STXBP5L: variants seen among roughly 807,000 people sequenced by gnomAD.
The protein encoded by STXBP5L is syntaxin binding protein 5L.
STXBP5L carries 65 observed loss-of-function variants against 144.5 expected under a neutral mutation model. The observed-to-expected ratio is 0.45, with a 90% CI of 0.37 to 0.55. STXBP5L has a LOEUF of 0.55. Ranked by LOEUF, STXBP5L falls within the 20% of genes least tolerant of loss-of-function variation. The probability of loss-of-function intolerance (pLI) is 0.00; values close to 1 mark genes in which losing one functional copy is unlikely to be tolerated. For synonymous variants in STXBP5L, 505 were observed against 469.6 expected (o/e 1.08, Z -0.97); for missense variants, 1,298 against 1,405.5 (o/e 0.92, Z 1.22).
intron 7 of STXBP5L, among the ~76,000 whole-genome samples, chr3:121,146,347 G>A (rs553882349): frequency 5.3e-4 from 80 of 151,810 alleles, no homozygotes; most frequent in Non-Finnish European, 9.1e-4. Context: ...TATTCTGGTG[G>A]GTAAAATATA....
chr3:121,011,459 G>A (rs1944768419), intron 3 of STXBP5L, among the ~76,000 whole-genome samples: 1 of 151,450 alleles, frequency 6.6e-6, no homozygotes, highest in African/African-American at 2.4e-5. Context: ...TTAGCCTAGT[G>A]GACACTCAAA....
Position 121,124,317 on chromosome 3 carries a change from T to C in STXBP5L, c.669+2613T>C, listed in dbSNP as rs192104227. On this transcript the variant is annotated intron_variant, in intron 7 of 26. Transcript: ENST00000471454. ...CTGACTCATTATTCTAGTATATGAA[T>C]TTTGGAATCAGCTTATCAAGCTCAA... is the stretch of plus-strand genomic sequence containing the variant. 2.8e-3 allele frequency among the ~76,000 whole-genome samples: 425 copies of C among 152,094 alleles called. 2 individuals are homozygous for C. The highest frequency in any genetic ancestry group is 0.024 in the Middle Eastern group (7 of 294).
chr3:121,106,471 A>G (rs1240573304), intron 5 of STXBP5L, among the ~76,000 whole-genome samples: 1 of 152,068 alleles, frequency 6.6e-6, no homozygotes, highest in Admixed American at 6.6e-5. Flanking sequence ...TTCAGCTCCT[A>G]CTTAATAAGT....
intron 2 of STXBP5L, among the ~76,000 whole-genome samples, chr3:120,926,941 T>C (rs902067652): frequency 6.7e-6 from 1 of 149,280 alleles, no homozygotes; most frequent in African/African-American, 2.4e-5. Flanking sequence ...TCCTTTCTTT[T>C]TTTTTTTTTT....
At chr3:121,191,878 T>C (rs2047700887) in intron 9 of STXBP5L, among the ~76,000 whole-genome samples, 1 of 144,178 alleles carries the variant, frequency 6.9e-6, no homozygotes, top group African/African-American at 2.6e-5. Flanking sequence ...TTCTCACTCA[T>C]AGGTGGGAAT....
At chr3:121,091,178 T>C (rs1160568012) in intron 5 of STXBP5L, among the ~76,000 whole-genome samples, 2 of 147,640 alleles carry the variant, frequency 1.4e-5, no homozygotes, top group Non-Finnish European at 3.0e-5. Flanking sequence ...CAGTCTATCA[T>C]TGATGGACAT....
At chr3:120,973,696 C>G (rs1940559417) in intron 3 of STXBP5L, among the ~76,000 whole-genome samples, 1 of 151,554 alleles carries the variant, frequency 6.6e-6, no homozygotes, top group Non-Finnish European at 1.5e-5. Flanking sequence ...CTCCCCCATC[C>G]CCCCACCCCA....
intron 5 of STXBP5L, among the ~76,000 whole-genome samples, chr3:121,087,518 C>A (rs183936907): frequency 6.6e-6 from 1 of 151,830 alleles, no homozygotes; most frequent in South Asian, 2.1e-4. Context: ...CATGTTTGCA[C>A]GATATATCTT....
intron 18 of STXBP5L, among the ~76,000 whole-genome samples, chr3:121,261,781 T>G (rs905331914): frequency 5.3e-5 from 8 of 152,194 alleles, no homozygotes; most frequent in African/African-American, 1.9e-4. Context: ...TCTGATACAT[T>G]TTAGCAAATA....
At chr3:121,276,040 A>C (rs2050871195) in intron 18 of STXBP5L, among the ~76,000 whole-genome samples, 1 of 149,810 alleles carries the variant, frequency 6.7e-6, no homozygotes, top group African/African-American at 2.5e-5. Flanking sequence ...AACATTTTCT[A>C]ATTTGTTTTT....
intron 9 of STXBP5L, among the ~76,000 whole-genome samples, chr3:121,165,458 C>A (rs1430222538): frequency 6.6e-6 from 1 of 152,100 alleles, no homozygotes. Flanking sequence ...TTCATCCTTT[C>A]TGTGACTTCT....
Position 121,407,508 on chromosome 3 carries a change from G to A in STXBP5L, c.2853G>A (p.Thr951=), listed in dbSNP as rs747388257. 5 of 1,613,178 alleles carry A rather than the reference G, an allele frequency of 3.1e-6. No homozygotes were observed. The highest frequency in any genetic ancestry group is 2.2e-5 in the South Asian group (2 of 91,066). Reference sequence around the variant, plus strand: ...CTTGCCTTTATGTTCATAACATCACGGAGACATCTTTTATACTGCAAGCAA... The same window carrying A: ...CTTGCCTTTATGTTCATAACATCACAGAGACATCTTTTATACTGCAAGCAA... The part of the protein sequence containing the change: ...SQTCLYVHNI[T]ETSFILQANV... The change falls in exon 23 of 27, where the codon ACG becomes ACA. Residue 951 remains threonine, a synonymous_variant. Coordinates refer to ENST00000471454, the MANE Select transcript of STXBP5L (RefSeq NM_001308330.2).
intron 3 of STXBP5L, among the ~76,000 whole-genome samples, chr3:120,993,941 T>C (rs1358320143): frequency 6.6e-6 from 1 of 152,086 alleles, no homozygotes; most frequent in African/African-American, 2.4e-5. Context: ...ATGGGATATG[T>C]TTCCATCTGT....
chr3:121,216,937 T>C (rs2048798371), intron 10 of STXBP5L, among the ~76,000 whole-genome samples: 2 of 152,100 alleles, frequency 1.3e-5, no homozygotes, highest in South Asian at 4.1e-4. Context: ...GGAGCTGTGG[T>C]GGGCTCTGTC....
chr3:121,342,029 G>C (rs987758300), intron 20 of STXBP5L, among the ~76,000 whole-genome samples: 1 of 152,016 alleles, frequency 6.6e-6, no homozygotes, highest in South Asian at 2.1e-4. Flanking sequence ...GTAATTGCTT[G>C]ATGTGATAGA....
intron 7 of STXBP5L, among the ~76,000 whole-genome samples, chr3:121,139,218 A>C (rs2045388861): frequency 6.6e-6 from 1 of 152,056 alleles, no homozygotes; most frequent in Admixed American, 6.6e-5. Flanking sequence ...ATATTTATAA[A>C]AGCTGAAGGA....
At chr3:121,133,268 A>G (rs994086174) in intron 7 of STXBP5L, among the ~76,000 whole-genome samples, 3 of 152,134 alleles carry the variant, frequency 2.0e-5, no homozygotes, top group African/African-American at 7.2e-5. Flanking sequence ...AGATATCCAA[A>G]CCCAGGAAGC....
chr3:121,031,668 TA>T (rs1222689155), intron 3 of STXBP5L, among the ~76,000 whole-genome samples: 1 of 152,050 alleles, frequency 6.6e-6, no homozygotes, highest in Admixed American at 6.6e-5. Flanking sequence ...ATTAATCACA[TA>T]AAAAATATCT....
chr3:121,050,202 C>T lies in STXBP5L; in HGVS notation c.470+4667C>T, dbSNP rs567350680. ...CTCTCCATGAGAGTGGTGCTTATTA[C>T]CCACTTCTACTCAGCTATCTCACGC... On this transcript the variant is annotated intron_variant, in intron 5 of 26. Transcript: ENST00000471454. Among the ~76,000 whole-genome samples the T allele has an allele frequency of 5.3e-5, 8 of 152,266 alleles. No homozygotes were observed. The East Asian group carries it at 1.5e-3, about 29-fold the overall frequency.
Sources: gnomAD v4.1 joint callset for allele counts (sites outside exome capture counted in the v4.1 genomes callset) on GRCh38, gnomAD v4.1.1 for gene constraint, MANE v1.5 for transcripts, NCBI Gene and HGNC (gene_info 2026-07-23, HGNC 2026-07-21) for gene names.